Variants in QARS1 observed in about 807,000 individuals in gnomAD.
QARS1 encodes glutamine--tRNA ligase.
QARS1 carries 79 observed loss-of-function variants against 106.9 expected under a neutral mutation model. The observed-to-expected ratio is 0.74, with a 90% CI of 0.62 to 0.89. The LOEUF is 0.89. Ranked by LOEUF, QARS1 falls within the 40% of genes least tolerant of loss-of-function variation. The pLI is 0.00. For missense variants in QARS1, 966 were observed against 997.2 expected, an observed-to-expected ratio of 0.97 and a Z score of 0.42; for synonymous variants, 395 against 367.7, an observed-to-expected ratio of 1.07 and a Z score of -0.85.
At position 49,100,402 on chromosome 3, in the gene QARS1, A is replaced by G. The variant is rs1219473152; in HGVS notation, c.1033T>C (p.Trp345Arg). The change falls in exon 12 of 24, where the codon TGG becomes CGG. Residue 345 changes from tryptophan (W) to arginine (R), a missense_variant. By Grantham distance (101) the Trp-to-Arg change is moderately radical (BLOSUM62 -3). Transcript: ENST00000306125. ...ASDYFDQLYA[W>R]AVELIRRGLA... ...TACCTGCGGATGAGCTCCACAGCCCACGCATATAGCTGGTCAAAATAGTCA... is the reference window on the plus strand; with the variant it reads ...TACCTGCGGATGAGCTCCACAGCCCGCGCATATAGCTGGTCAAAATAGTCA... The G allele has an allele frequency of 6.2e-7, 1 of 1,614,252 alleles. No individual in the cohort carries two copies. The highest frequency in any genetic ancestry group is 2.2e-5 in the East Asian group (1 of 44,886).
At position 49,103,989 on chromosome 3, in the gene QARS1, C is replaced by T. The variant is rs1057523447; in HGVS notation, c.266-17G>A. The T allele has an allele frequency of 5.0e-6, 8 of 1,602,144 alleles. No homozygotes were observed. Among genetic ancestry groups the T allele is most frequent in the Admixed American group, 3.4e-5 (2 of 59,606 alleles). ...CAAGGGCAGCTGAGAAGAAAGAGCC[C>T]GTGAGTTTGTGGCATCTCTGCTCCA... On this transcript the variant is annotated splice_polypyrimidine_tract_variant and intron_variant, in intron 2 of 23. Coordinates refer to ENST00000306125, the MANE Select transcript of QARS1 (RefSeq NM_005051.3).
chr3:49,104,588 A>G, intron 1 of QARS1, 29 bp downstream of exon 1: 2 of 1,598,144 alleles, frequency 1.3e-6, no homozygotes, highest in Non-Finnish European at 1.7e-6. Flanking sequence ...ATGGTCTGCA[A>G]ACCAGGCCGG....
chr3:49,099,260 G>A lies in QARS1; in HGVS notation c.1615-7C>T, dbSNP rs2107099358. The A allele has an allele frequency of 1.2e-6, 2 of 1,614,146 alleles. No individual in the cohort carries two copies. The highest frequency in any genetic ancestry group is 1.7e-6 in the Non-Finnish European group (2 of 1,180,010). ...GTGCCACAGTCACTCCCACCTGGCAGGAAAGTTCAGCATCAGTCACAGCTA... is the reference window on the plus strand; with the variant it reads ...GTGCCACAGTCACTCCCACCTGGCAAGAAAGTTCAGCATCAGTCACAGCTA... On this transcript the variant is annotated splice_region_variant and splice_polypyrimidine_tract_variant and intron_variant, in intron 17 of 23. Transcript: ENST00000306125.
At position 49,099,979 on chromosome 3, in the gene QARS1, T is replaced by TGG; in HGVS notation, c.1275_1276dup (p.His426ProfsTer79). 1 of 1,614,126 alleles carries TGG rather than the reference T, an allele frequency of 6.2e-7. No individual in the cohort carries two copies. The highest frequency in any genetic ancestry group is 8.5e-7 in the Non-Finnish European group (1 of 1,180,002). ...CACCCACCATTTGTCCCCTGTGCGG[T>TGG]GGTGTGGTGTATACTTGACTCGATA... On this transcript the variant is annotated frameshift_variant, in exon 14 of 24. Transcript: ENST00000306125. LOFTEE classifies it high-confidence loss of function.
At chr3:49,098,289 C>G in intron 21 of QARS1, 31 bp from the exon 22 acceptor site, 1 of 1,614,228 alleles carries the variant, frequency 6.2e-7, no homozygotes, top group Non-Finnish European at 8.5e-7. Flanking sequence ...ATACCCCCAG[C>G]TGGGCAGCCA....
Position 49,099,353 on chromosome 3 carries a change from G to A in QARS1, c.1605C>T (p.Phe535=). The change falls in exon 17 of 24, where the codon TTC becomes TTT. Residue 535 remains phenylalanine, a synonymous_variant. Coordinates refer to ENST00000306125, the MANE Select transcript of QARS1 (RefSeq NM_005051.3). ...ACCTGCTGGGCTATACCCGGGCACA[G>A]AAGTTGTTGATGGCCTCAGGTGGGA... ...RGFPPEAINN[F]CARVGVTVAQ... The A allele has an allele frequency of 6.2e-7, 1 of 1,614,188 alleles. No homozygotes were observed. The highest frequency in any genetic ancestry group is 1.3e-5 in the African/African-American group (1 of 75,046).
At chr3:49,096,619 G>A (rs528775922) in intron 23 of QARS1, among the ~76,000 whole-genome samples, 8 of 151,876 alleles carry the variant, frequency 5.3e-5, no homozygotes, top group Admixed American at 3.9e-4. Context: ...CTAACACGGT[G>A]AAACCCCGTC....
At position 49,099,522 on chromosome 3, in the gene QARS1, G is replaced by C; in HGVS notation, c.1514C>G (p.Thr505Ser). Residue 505 changes from threonine (T) to serine (S), a missense_variant, in exon 16 of 24, where the codon ACT becomes AGT. Thr to Ser is a moderately conservative substitution (Grantham distance 58). Transcript: ENST00000306125. ...CAGCCGCACCTACCGCACAGCACCA[G>C]TTGCTACAAGCTGGAGGATCTTCCT... The part of the protein sequence containing the change: ...SKRKILQLVA[T>S]GAVRDWDDPR... 2 of 1,614,230 alleles carry C rather than the reference G, an allele frequency of 1.2e-6. No homozygotes were observed. Among genetic ancestry groups the C allele is most frequent in the South Asian group, 1.1e-5 (1 of 91,092 alleles).
At chr3:49,099,076 C>T in intron 18 of QARS1, 34 bp downstream of exon 18, 2 of 1,614,018 alleles carry the variant, frequency 1.2e-6, no homozygotes, top group East Asian at 2.2e-5. Context: ...CAGCTACACA[C>T]ACACATGTGA....
Position 49,103,980 on chromosome 3 carries a change from GAA to G in QARS1, c.266-10_266-9del. ...GCACATACTCAAGGGCAGCTGAGAA[GAA>G]AGAGCCCGTGAGTTTGTGGCATCTC... On this transcript the variant is annotated splice_polypyrimidine_tract_variant and intron_variant, in intron 2 of 23. Transcript: ENST00000306125. 6.2e-7 allele frequency: 1 copy of G among 1,608,972 alleles called. No individual in the cohort carries two copies. Among genetic ancestry groups the G allele is most frequent in the Non-Finnish European group, 8.5e-7 (1 of 1,176,080 alleles).
At chr3:49,101,558 C>A in intron 9 of QARS1, 62 bp downstream of exon 9, 1 of 1,596,036 alleles carries the variant, frequency 6.3e-7, no homozygotes, top group South Asian at 1.1e-5. Flanking sequence ...AGTATGGACG[C>A]AGCCCAGGCA....
At chr3:49,098,140 A>G (rs1231686169) in intron 22 of QARS1, 23 bp from the exon 23 acceptor site, 2 of 1,614,188 alleles carry the variant, frequency 1.2e-6, no homozygotes, top group African/African-American at 1.3e-5. Flanking sequence ...AACTCAGGCA[A>G]CCATCCAACC....
In QARS1 at chr3:49,098,121, C is replaced by A. The variant is rs2042415241; in HGVS notation, c.2152-4G>T. On this transcript the variant is annotated splice_region_variant and splice_polypyrimidine_tract_variant and intron_variant, in intron 22 of 23. Transcript: ENST00000306125. ...CATCCACCACGTGTAGTGATGCCTG[C>A]AGGCAGGGAACTCAGGCAACCATCC... is the stretch of plus-strand genomic sequence containing the variant. 6.2e-7 allele frequency: 1 copy of A among 1,614,084 alleles called. No individual in the cohort carries two copies. The highest frequency in any genetic ancestry group is 1.1e-5 in the South Asian group (1 of 91,090).
At chr3:49,096,565 C>G (rs563415685) in intron 23 of QARS1, among the ~76,000 whole-genome samples, 20 of 151,360 alleles carry the variant, frequency 1.3e-4, no homozygotes, top group African/African-American at 4.8e-4. Flanking sequence ...TCTGGGAGGC[C>G]GAGGCAGGCG....
rs1280901578 is a variant in QARS1 at position 49,099,394 on chromosome 3, G to A, written c.1564C>T (p.Leu522=). ...TCAGGTGGGAAGCCCCGCCGTCGCA[G>A]GGCCGTGAGTGTAAAGAGCCGTGGG... The part of the protein sequence containing the change: ...DDPRLFTLTA[L]RRRGFPPEAI... The change falls in exon 17 of 24, where the codon CTG becomes TTG. Residue 522 remains leucine, a synonymous_variant. Transcript: ENST00000306125. 5.0e-6 allele frequency: 8 copies of A among 1,614,082 alleles called. No homozygotes were observed. Among genetic ancestry groups the A allele is most frequent in the Admixed American group, 1.7e-5 (1 of 60,008 alleles).
rs767667312 is a variant in QARS1, at chr3:49,099,391, G to A, written c.1567C>T (p.Arg523Ter). 9.3e-6 allele frequency: 15 copies of A among 1,614,070 alleles called. No individual in the cohort carries two copies. The highest frequency in any genetic ancestry group is 1.7e-5 in the Admixed American group (1 of 60,006). The change falls in exon 17 of 24, where the codon CGA (arginine) becomes TGA (stop). Residue 523 changes from arginine to a stop codon, truncating the protein, a stop_gained. Coordinates refer to ENST00000306125, the MANE Select transcript of QARS1 (RefSeq NM_005051.3). LOFTEE classifies it high-confidence loss of function. Reference protein sequence around the residue: ...DPRLFTLTALRRRGFPPEAIN... With the variant: ...DPRLFTLTAL ...GCCTCAGGTGGGAAGCCCCGCCGTC[G>A]CAGGGCCGTGAGTGTAAAGAGCCGT...
intron 7 of QARS1, 67 bp downstream of exon 7, chr3:49,102,138 G>A (rs2042479309): frequency 1.9e-6 from 3 of 1,592,526 alleles, no homozygotes; most frequent in South Asian, 2.2e-5. Context: ...GAGCCTGTAA[G>A]GACTCTTCTG....
At chr3:49,103,470 T>A in intron 4 of QARS1, 61 bp from the exon 5 acceptor site, 1 of 1,605,516 alleles carries the variant, frequency 6.2e-7, no homozygotes, top group Non-Finnish European at 8.5e-7. Flanking sequence ...CCCACCTCTT[T>A]CCCAAGGAAA....
At chr3:49,096,139 C>T in intron 23 of QARS1, 60 bp from the exon 24 acceptor site, 1 of 1,565,282 alleles carries the variant, frequency 6.4e-7, no homozygotes, top group South Asian at 1.1e-5. Context: ...GAGGCCTGGG[C>T]AGGTTTCACC....
Sources: gnomAD v4.1 joint callset for allele counts (sites outside exome capture counted in the v4.1 genomes callset) on GRCh38, gnomAD v4.1.1 for gene constraint, MANE v1.5 for transcripts, NCBI Gene and HGNC (gene_info 2026-07-23, HGNC 2026-07-21) for gene names.